The following CACNB2 variants were observed in gnomAD, a reference collection of about 807,000 sequenced individuals.
CACNB2 encodes voltage-dependent L-type calcium channel subunit beta-2.
Under a neutral mutation model 73.3 loss-of-function variants are expected in CACNB2, and 42 were observed. The observed-to-expected ratio is 0.57, with a 90% confidence interval of 0.45 to 0.74. The LOEUF is 0.74. Ranked by LOEUF, CACNB2 falls within the 30% of genes least tolerant of loss-of-function variation. The probability of loss-of-function intolerance (pLI) is 0.00; values close to 1 mark genes in which losing one functional copy is unlikely to be tolerated. For missense variants in CACNB2, 940 were observed against 853.0 expected (o/e 1.10, Z -1.27); for synonymous variants, 348 against 310.3 (o/e 1.12, Z -1.28).
intron 2 of CACNB2, among the ~76,000 whole-genome samples, chr10:18,166,340 C>T (rs1006807390): frequency 6.6e-6 from 1 of 152,136 alleles, no homozygotes; most frequent in African/African-American, 2.4e-5. Flanking sequence ...ACTGTGACCT[C>T]TGCCTCCCAG....
chr10:18,423,610 A>G (rs968479093), intron 3 of CACNB2, among the ~76,000 whole-genome samples: 8 of 152,230 alleles, frequency 5.3e-5, no homozygotes, highest in African/African-American at 1.9e-4. Context: ...CCTTATATGT[A>G]TTCCACAAGC....
chr10:18,233,061 G>C (rs552703031), intron 2 of CACNB2, among the ~76,000 whole-genome samples: 5 of 152,138 alleles, frequency 3.3e-5, no homozygotes, highest in African/African-American at 7.2e-5. Flanking sequence ...CTCCAGCCTG[G>C]GTGACAGGGC....
intron 2 of CACNB2, among the ~76,000 whole-genome samples, chr10:18,259,887 G>A (rs1186805254): frequency 6.6e-6 from 1 of 152,154 alleles, no homozygotes; most frequent in African/African-American, 2.4e-5. Context: ...TTCAGCTTGG[G>A]CAGTAGAGTA....
At chr10:18,153,379 T>C (rs2031764421) in intron 2 of CACNB2, among the ~76,000 whole-genome samples, 1 of 152,090 alleles carries the variant, frequency 6.6e-6, no homozygotes, top group South Asian at 2.1e-4. Flanking sequence ...GAATTCTGAG[T>C]TAAAAGTTGT....
At chr10:18,312,448 C>T (rs1017480277) in intron 2 of CACNB2, among the ~76,000 whole-genome samples, 18 of 152,244 alleles carry the variant, frequency 1.2e-4, no homozygotes, top group South Asian at 2.1e-4. Context: ...TAATTTATAT[C>T]ATCCTAGCTC....
chr10:18,390,120 G>A (rs1207509281), intron 2 of CACNB2, among the ~76,000 whole-genome samples: 1 of 152,200 alleles, frequency 6.6e-6, no homozygotes, highest in East Asian at 1.9e-4. Flanking sequence ...CCACCCGGGA[G>A]AACTCATCTT....
chr10:18,349,093 C>G (rs367635605), intron 2 of CACNB2, among the ~76,000 whole-genome samples: 246 of 152,310 alleles, frequency 1.6e-3, no homozygotes, highest in African/African-American at 5.3e-3. Flanking sequence ...GCACTCCAGC[C>G]CGAGTGACAG....
Position 18,401,958 on chromosome 10 carries a change from A to C in CACNB2, c.248A>C (p.Asp83Ala). The change falls in exon 3 of 14, where the codon GAT becomes GCT. Residue 83 changes from aspartate to alanine, a missense_variant. Asp to Ala is a moderately radical substitution (Grantham distance 126). Transcript: ENST00000324631. ...SADSYTSRPS[D>A]SDVSLEEDRE... ...GACTCCTACACTAGCCGTCCATCCG[A>C]TTCCGATGTATCTCTGGAGGAGGAC... The C allele has an allele frequency of 6.2e-7, 1 of 1,614,052 alleles. No homozygotes were observed. Among genetic ancestry groups the C allele is most frequent in the Non-Finnish European group, 8.5e-7 (1 of 1,179,912 alleles).
At chr10:18,199,201 G>A (rs2034762739) in intron 2 of CACNB2, among the ~76,000 whole-genome samples, 1 of 152,094 alleles carries the variant, frequency 6.6e-6, no homozygotes, top group South Asian at 2.1e-4. Context: ...AACATTTACT[G>A]AGAAACTACT....
At chr10:18,484,662 T>G (rs1007173776) in intron 3 of CACNB2, among the ~76,000 whole-genome samples, 5 of 152,156 alleles carry the variant, frequency 3.3e-5, no homozygotes, top group African/African-American at 1.2e-4. Context: ...ACAAGCTCCC[T>G]CACTGGGGTC....
At chr10:18,360,580 C>T (rs1385345223) in intron 2 of CACNB2, among the ~76,000 whole-genome samples, 3 of 152,184 alleles carry the variant, frequency 2.0e-5, no homozygotes, top group Non-Finnish European at 4.4e-5. Context: ...ACTTATCACT[C>T]ACAAGAGTCC....
At chr10:18,338,675 C>T (rs1306534282) in intron 2 of CACNB2, among the ~76,000 whole-genome samples, 1 of 134,166 alleles carries the variant, frequency 7.5e-6, no homozygotes, top group Non-Finnish European at 1.5e-5. Context: ...TTTTTTCTCT[C>T]TCCTTCCTTC....
chr10:18,141,299 G>T (rs2030374463), intron 1 of CACNB2: 5 of 1,187,642 alleles, frequency 4.2e-6, no homozygotes, highest in Non-Finnish European at 6.1e-6. Flanking sequence ...CCGAGCCGGG[G>T]TGGGCGTGGG....
At chr10:18,499,874 G>A (rs1027224222) in intron 4 of CACNB2, among the ~76,000 whole-genome samples, 1 of 151,812 alleles carries the variant, frequency 6.6e-6, no homozygotes, top group Non-Finnish European at 1.5e-5. Context: ...CTACTCAGGA[G>A]GCCAGTGGAT....
intron 3 of CACNB2, among the ~76,000 whole-genome samples, chr10:18,477,019 CAA>C (rs35846838): frequency 2.4e-5 from 3 of 122,482 alleles, no homozygotes; most frequent in African/African-American, 3.1e-5. Context: ...GATTGAATCT[CAA>C]AAAAAAAAAA....
intron 2 of CACNB2, among the ~76,000 whole-genome samples, chr10:18,339,596 C>T (rs1487234030): frequency 6.6e-6 from 1 of 152,142 alleles, no homozygotes; most frequent in Non-Finnish European, 1.5e-5. Flanking sequence ...GCTTACAAAC[C>T]TTTTCTGTAA....
intron 11 of CACNB2, among the ~76,000 whole-genome samples, chr10:18,534,447 T>C (rs963539674): frequency 6.6e-6 from 1 of 152,164 alleles, no homozygotes; most frequent in Non-Finnish European, 1.5e-5. Context: ...TGAGACACTT[T>C]TAGAGGGTCC....
At chr10:18,189,519 A>C (rs980570005) in intron 2 of CACNB2, among the ~76,000 whole-genome samples, 23 of 152,082 alleles carry the variant, frequency 1.5e-4, no homozygotes, top group African/African-American at 5.5e-4. Context: ...AATACTGTGA[A>C]CCCTTTTCTA....
chr10:18,157,183 A>G (rs994932981), intron 2 of CACNB2, among the ~76,000 whole-genome samples: 1 of 152,216 alleles, frequency 6.6e-6, no homozygotes, highest in African/African-American at 2.4e-5. Flanking sequence ...CTGAACGTAT[A>G]ATTTCTATAT....
Sources: allele counts gnomAD v4.1 joint callset (sites outside exome capture counted in the v4.1 genomes callset), GRCh38; gene constraint gnomAD v4.1.1; transcripts MANE v1.5; gene names NCBI Gene and HGNC (gene_info 2026-07-23, HGNC 2026-07-21).